DUSP28: variants seen among roughly 807,000 people sequenced by gnomAD.
DUSP28 encodes dual specificity phosphatase 28.
DUSP28 carries 11 observed loss-of-function variants against 8.4 expected under a neutral mutation model. The ratio of observed to expected loss-of-function variants is 1.31; its 90% CI spans 0.83 to 2.17. The LOEUF is 2.17. Among genes scored for constraint, DUSP28 ranks in the 30% most tolerant of loss-of-function variants. The pLI is 0.00. For synonymous variants in DUSP28, 178 were observed against 130.9 expected, an observed-to-expected ratio of 1.36 and a Z score of -2.46; for missense variants, 373 against 270.4, an observed-to-expected ratio of 1.38 and a Z score of -2.66.
rs529046117 is a variant in DUSP28 at position 240,564,191 on chromosome 2, T to C, written c.*2724T>C. Among the ~76,000 whole-genome samples, 1 of 152,244 alleles carries C rather than the reference T, an allele frequency of 6.6e-6. No individual in the cohort carries two copies. The highest frequency in any genetic ancestry group is 1.5e-5 in the Non-Finnish European group (1 of 68,044). ...CAATCAAAACTGAAACTGCTCCAGA[T>C]GCCTGTCTAGGAAGTATGGTTTTCC... On this transcript the variant is annotated 3_prime_UTR_variant, in exon 2 of 2. Coordinates refer to ENST00000405954, the MANE Select transcript of DUSP28 (RefSeq NM_001370465.2).
rs2092987468 is a variant in DUSP28 at position 240,562,750 on chromosome 2, T to G, written c.*1283T>G. 1 of 152,190 alleles carries G rather than the reference T, an allele frequency of 6.6e-6. No individual in the cohort carries two copies. The highest frequency in any genetic ancestry group is 1.5e-5 in the Non-Finnish European group (1 of 68,034). The allele number at this position is 152,190 out of a possible 1,614,324, so 9.4% of individuals were successfully genotyped here. On this transcript the variant is annotated 3_prime_UTR_variant, in exon 2 of 2. Transcript: ENST00000405954. ...TTGTTAAATGTCTTAACATTGCAAG[T>G]GAGGGTTCCCATTTTATCAGAAAAT...
chr2:240,561,499 GTCC>G lies in DUSP28; in HGVS notation c.*33_*35del, dbSNP rs777013739. ...AAGGCCTGCTGCCTGGAGGAAGGAT[GTCC>G]CTGCACTGATACAGAAGGCTGGTCT... On this transcript the variant is annotated 3_prime_UTR_variant, in exon 2 of 2. Transcript: ENST00000405954. The G allele has an allele frequency of 6.3e-7, 1 of 1,588,904 alleles. No individual in the cohort carries two copies. The highest frequency in any genetic ancestry group is 8.6e-7 in the Non-Finnish European group (1 of 1,167,764).
chr2:240,560,262 C>A (rs376352125), upstream of DUSP28: 1 of 160,494 alleles, frequency 6.2e-6, no homozygotes, highest in South Asian at 1.9e-4. Flanking sequence ...GGGCCCTAGC[C>A]GAACGACGCG....
chr2:240,561,304 T>A, intron 1 of DUSP28, 26 bp from the exon 2 acceptor site: 1 of 1,613,364 alleles, frequency 6.2e-7, no homozygotes, highest in Non-Finnish European at 8.5e-7. Context: ...CGACTTGGGG[T>A]TATTCAGTAC....
chr2:240,560,328 G>C (rs776474180), upstream of DUSP28: 4 of 187,110 alleles, frequency 2.1e-5, no homozygotes. Context: ...CGCCGCAGTA[G>C]AGCGGGCAGG....
chr2:240,560,456 G>A lies in DUSP28; in HGVS notation c.-229G>A. On this transcript the variant is annotated 5_prime_UTR_variant, in exon 1 of 2. Coordinates refer to ENST00000405954, the MANE Select transcript of DUSP28 (RefSeq NM_001370465.2). ...GAGCGGTCCAAGGCCCCGGCGCCCT[G>A]GTGAGGCCCAAACCTCCCGCCATGC... The A allele has an allele frequency of 1.8e-6, 1 of 562,960 alleles. No homozygotes were observed. The highest frequency in any genetic ancestry group is 2.7e-6 in the Non-Finnish European group (1 of 373,752). The allele number at this position is 562,960 out of a possible 1,614,324, so 34.9% of individuals were successfully genotyped here.
rs1347543779 is a variant in DUSP28 at position 240,564,186 on chromosome 2, C to T, written c.*2719C>T. On this transcript the variant is annotated 3_prime_UTR_variant, in exon 2 of 2. Transcript: ENST00000405954. ...AACAGCAATCAAAACTGAAACTGCTCCAGATGCCTGTCTAGGAAGTATGGT... is the reference window on the plus strand; with the variant it reads ...AACAGCAATCAAAACTGAAACTGCTTCAGATGCCTGTCTAGGAAGTATGGT... Among the ~76,000 whole-genome samples the T allele has an allele frequency of 6.6e-6, 1 of 152,222 alleles. No homozygotes were observed.
In DUSP28 at chr2:240,563,222, T is replaced by C. The variant is rs1225019885; in HGVS notation, c.*1755T>C. ...ACTGAGCATTTCTTTTTTTTTTTTCTTGAGACGGAGTCTCACTCTGGTGCC... is the reference window on the plus strand; with the variant it reads ...ACTGAGCATTTCTTTTTTTTTTTTCCTGAGACGGAGTCTCACTCTGGTGCC... On this transcript the variant is annotated 3_prime_UTR_variant, in exon 2 of 2. Coordinates refer to ENST00000405954, the MANE Select transcript of DUSP28 (RefSeq NM_001370465.2). 1 of 152,144 alleles carries C rather than the reference T, an allele frequency of 6.6e-6. No individual in the cohort carries two copies. The highest frequency in any genetic ancestry group is 6.5e-5 in the Admixed American group (1 of 15,280). 9.4% of individuals were successfully genotyped at this position (152,144 alleles called of 1,614,324 possible).
chr2:240,560,073 G>A (rs1187562014), upstream of DUSP28: 2 of 152,342 alleles, frequency 1.3e-5, no homozygotes, highest in African/African-American at 4.8e-5. Context: ...AAGAAGTGAT[G>A]AAAATAGAAA....
chr2:240,562,290 G>A lies in DUSP28; in HGVS notation c.*823G>A, dbSNP rs2092976513. On this transcript the variant is annotated 3_prime_UTR_variant, in exon 2 of 2. Coordinates refer to ENST00000405954, the MANE Select transcript of DUSP28 (RefSeq NM_001370465.2). ...TAGTAGAGATGGGGGGTTTCACCAT[G>A]TTAGCCAGGATGGTCTCAAACTCCT... The A allele has an allele frequency of 6.6e-6, 1 of 152,150 alleles. No individual in the cohort carries two copies. The highest frequency in any genetic ancestry group is 1.5e-5 in the Non-Finnish European group (1 of 68,050). 9.4% of individuals were successfully genotyped at this position (152,150 alleles called of 1,614,324 possible). A position where few individuals can be genotyped will look rare whatever the true frequency, so the allele number is the denominator to read the frequency against.
Position 240,561,389 on chromosome 2 carries a change from G to A in DUSP28, c.453G>A (p.Gln151=). The A allele has an allele frequency of 6.2e-7, 1 of 1,613,860 alleles. No individual in the cohort carries two copies. Among genetic ancestry groups the A allele is most frequent in the South Asian group, 1.1e-5 (1 of 91,084 alleles). ...EPNPGFWSQL[Q]KYEEALQAQS... is the part of the protein sequence containing the mutation. ...ACCCGGGCTTCTGGTCTCAGCTCCA[G>A]AAGTATGAGGAGGCCCTCCAGGCCC... The change falls in exon 2 of 2, where the codon CAG becomes CAA. Residue 151 remains glutamine, a synonymous_variant. Coordinates refer to ENST00000405954, the MANE Select transcript of DUSP28 (RefSeq NM_001370465.2).
rs1316612564 is a variant in DUSP28 at position 240,564,408 on chromosome 2, T to C, written c.*2941T>C. The stretch of plus-strand genomic sequence containing the variant: ...CCAGTTAAGCCCCATCTTCCGGAAA[T>C]GCAGCTCCAGAGGGTCTCTGTCCCC... On this transcript the variant is annotated 3_prime_UTR_variant, in exon 2 of 2. Coordinates refer to ENST00000405954, the MANE Select transcript of DUSP28 (RefSeq NM_001370465.2). 6.6e-6 allele frequency among the ~76,000 whole-genome samples: 1 copy of C among 152,196 alleles called. No homozygotes were observed. The highest frequency in any genetic ancestry group is 2.4e-5 in the African/African-American group (1 of 41,456).
chr2:240,560,371 A>C lies in DUSP28; in HGVS notation c.-314A>C. The C allele has an allele frequency of 4.0e-6, 1 of 250,752 alleles. No individual in the cohort carries two copies. The highest frequency in any genetic ancestry group is 7.5e-6 in the Non-Finnish European group (1 of 133,224). The allele number at this position is 250,752 out of a possible 1,614,324, so 15.5% of individuals were successfully genotyped here. On this transcript the variant is annotated 5_prime_UTR_variant, in exon 1 of 2. Transcript: ENST00000405954. ...GCCCAAGAGCCACAGACGCAAGCCC[A>C]GTGCCACAGGCCGCGGGGGCGGGGA...
At position 240,561,321 on chromosome 2, in the gene DUSP28, T is replaced by C. The variant is rs201513752; in HGVS notation, c.394-9T>C. On this transcript the variant is annotated splice_polypyrimidine_tract_variant and intron_variant, in intron 1 of 1. Transcript: ENST00000405954. ...ACTTGGGGTTATTCAGTACACTTCTTGTTTGCAGATGGTGAAGAGCGCTCG... is the reference window on the plus strand; with the variant it reads ...ACTTGGGGTTATTCAGTACACTTCTCGTTTGCAGATGGTGAAGAGCGCTCG... The C allele has an allele frequency of 1.2e-6, 2 of 1,613,830 alleles. No homozygotes were observed. Among genetic ancestry groups the C allele is most frequent in the South Asian group, 1.1e-5 (1 of 91,082 alleles).
Position 240,564,308 on chromosome 2 carries a change from G to C in DUSP28, c.*2841G>C, listed in dbSNP as rs1190665032. Among the ~76,000 whole-genome samples the C allele has an allele frequency of 6.6e-6, 1 of 152,208 alleles. No homozygotes were observed. Among genetic ancestry groups the C allele is most frequent in the Non-Finnish European group, 1.5e-5 (1 of 68,036 alleles). On this transcript the variant is annotated 3_prime_UTR_variant, in exon 2 of 2. Transcript: ENST00000405954. ...CCCGCTCTGCGGTCCTGCCACCAGT[G>C]CCCTCTGAGGTCCATGGTCCCACGG...
chr2:240,561,058 G>T lies in DUSP28; in HGVS notation c.374G>T (p.Ser125Ile). Residue 125 changes from serine (S) to isoleucine (I), a missense_variant, in exon 1 of 2, where the codon AGC becomes ATC. Transcript: ENST00000405954. Reference protein sequence around the residue: ...TAYLMRHRGLSLAKAFQMVKS... With the variant: ...TAYLMRHRGLILAKAFQMVKS... ...TACCTCATGCGGCACCGCGGCCTCA[G>T]CCTGGCGAAGGCCTTCCAGGTGGGC... The T allele has an allele frequency of 1.3e-6, 2 of 1,497,906 alleles. No individual in the cohort carries two copies. The highest frequency in any genetic ancestry group is 1.8e-6 in the Non-Finnish European group (2 of 1,133,004). 92.8% of individuals were successfully genotyped at this position (1,497,906 alleles called of 1,614,324 possible). A position where few individuals can be genotyped will look rare whatever the true frequency, so the allele number is the denominator to read the frequency against.
rs2092890951 is a variant in DUSP28, at chr2:240,560,600, G to C, written c.-85G>C. 2.3e-6 allele frequency: 3 copies of C among 1,331,644 alleles called. No individual in the cohort carries two copies. The South Asian group carries it at 5.7e-5, about 25-fold the overall frequency. The allele number at this position is 1,331,644 out of a possible 1,614,324, so 82.5% of individuals were successfully genotyped here. A position where few individuals can be genotyped will look rare whatever the true frequency, so the allele number is the denominator to read the frequency against. On this transcript the variant is annotated 5_prime_UTR_variant, in exon 1 of 2. Transcript: ENST00000405954. ...CCGGGGGCGCCCGGCGGCCCGCCCG[G>C]CTCCCACAAATAGACTCCTGGGCGG...
intron 1 of DUSP28, 62 bp from the exon 2 acceptor site, chr2:240,561,268 G>C: frequency 6.2e-7 from 1 of 1,610,318 alleles, no homozygotes; most frequent in Non-Finnish European, 8.5e-7. Context: ...AGCTGGGCCC[G>C]CCTTGGCCCC....
chr2:240,560,842 G>T lies in DUSP28; in HGVS notation c.158G>T (p.Arg53Leu), dbSNP rs1353690937. The T allele has an allele frequency of 2.1e-6, 3 of 1,398,132 alleles. No homozygotes were observed. The highest frequency in any genetic ancestry group is 3.0e-5 in the African/African-American group (2 of 66,202). 86.6% of individuals were successfully genotyped at this position (1,398,132 alleles called of 1,614,324 possible). The stretch of plus-strand genomic sequence containing the variant: ...GTCACGCTGTGCGTCAACGTCTCCC[G>T]CCAGCAGCCCGGCCCGCGCGCGCCC... ...AGVTLCVNVS[R>L]QQPGPRAPGV... The change falls in exon 1 of 2, where the codon CGC (arginine) becomes CTC (leucine). Residue 53 changes from arginine to leucine, a missense_variant. Transcript: ENST00000405954.
Sources: allele counts gnomAD v4.1 joint callset (sites outside exome capture counted in the v4.1 genomes callset), GRCh38; gene constraint gnomAD v4.1.1; transcripts MANE v1.5; gene names NCBI Gene and HGNC (gene_info 2026-07-23, HGNC 2026-07-21).